HOMER1: variants seen among roughly 807,000 people sequenced by gnomAD.
HOMER1 encodes the protein homer protein homolog 1.
Under a neutral mutation model 48.9 loss-of-function variants are expected in HOMER1, and 3 were observed. That is an observed-to-expected ratio of 0.06 (90% CI 0.03 to 0.16). HOMER1 has a LOEUF of 0.16. Ranked by LOEUF, HOMER1 falls within the 10% of genes least tolerant of loss-of-function variation. The pLI, the probability that HOMER1 is intolerant of heterozygous loss-of-function variation, is 1.00. For missense variants in HOMER1, 247 were observed against 411.4 expected (o/e 0.60, Z 3.46); for synonymous variants, 134 against 146.4 (o/e 0.92, Z 0.61).
At chr5:79,388,917 C>A (rs924175539) in intron 8 of HOMER1, among the ~76,000 whole-genome samples, 1 of 151,890 alleles carries the variant, frequency 6.6e-6, no homozygotes, top group Non-Finnish European at 1.5e-5. Context: ...GTATTTAAAA[C>A]TTTTATGCAA....
At chr5:79,384,738 A>G (rs1335700257) in intron 8 of HOMER1, among the ~76,000 whole-genome samples, 1 of 152,210 alleles carries the variant, frequency 6.6e-6, no homozygotes, top group Non-Finnish European at 1.5e-5. Context: ...CACAGATGTA[A>G]AAATCCTCAA....
At chr5:79,391,919 G>A (rs1039701320) in intron 8 of HOMER1, among the ~76,000 whole-genome samples, 1 of 152,044 alleles carries the variant, frequency 6.6e-6, no homozygotes, top group African/African-American at 2.4e-5. Flanking sequence ...GATCAACCAT[G>A]AACAGCATAT....
intron 5 of HOMER1, among the ~76,000 whole-genome samples, chr5:79,403,460 T>C (rs947223326): frequency 6.6e-6 from 1 of 152,154 alleles, no homozygotes. Context: ...TGACACAAGA[T>C]TGTGTCTGTA....
chr5:79,396,775 T>C (rs1376553825), intron 8 of HOMER1, 48 bp downstream of exon 8: 1 of 1,104,716 alleles, frequency 9.1e-7, no homozygotes, highest in Non-Finnish European at 1.3e-6. Context: ...TGTGAAAAAA[T>C]GATGCCTTTC....
At chr5:79,472,338 T>G (rs775827613) in intron 1 of HOMER1, among the ~76,000 whole-genome samples, 22 of 152,176 alleles carry the variant, frequency 1.4e-4, no homozygotes, top group African/African-American at 1.9e-4. Flanking sequence ...ATCCAATGAA[T>G]TTGCTTGCTT....
intron 1 of HOMER1, among the ~76,000 whole-genome samples, chr5:79,486,657 C>T (rs1752110459): frequency 6.6e-6 from 1 of 152,116 alleles, no homozygotes; most frequent in African/African-American, 2.4e-5. Context: ...GATCACACCC[C>T]AACCCCAGTC....
Position 79,477,169 on chromosome 5 carries a change from T to A in HOMER1, c.6-20151A>T, listed in dbSNP as rs77328060. On this transcript the variant is annotated intron_variant, in intron 1 of 8. Coordinates refer to ENST00000334082, the MANE Select transcript of HOMER1 (RefSeq NM_004272.5). ...GCCAGGAACTGTGGACAAAAAACAA[T>A]AGATATATCATAGCATCATAGCAGT... is the stretch of plus-strand genomic sequence containing the variant. 4.6e-5 allele frequency among the ~76,000 whole-genome samples: 7 copies of A among 152,256 alleles called. No homozygotes were observed. In the East Asian group the frequency reaches 1.3e-3, roughly 29 times the overall value.
chr5:79,439,095 T>C lies in HOMER1; in HGVS notation c.442A>G (p.Thr148Ala). 6.2e-7 allele frequency: 1 copy of C among 1,613,866 alleles called. No homozygotes were observed. The highest frequency in any genetic ancestry group is 8.5e-7 in the Non-Finnish European group (1 of 1,179,792). The change falls in exon 5 of 9, where the codon ACA becomes GCA. Residue 148 changes from threonine (T) to alanine (A), a missense_variant. Around this residue, in one of 4 missense-constraint regions of HOMER1, gnomAD observed 94 missense variants for 112.4 expected, o/e 0.84. Coordinates refer to ENST00000334082, the MANE Select transcript of HOMER1 (RefSeq NM_004272.5). ...ACATCAGGTGTTCTTTCATCATCTG[T>C]CCCGTTGATACTTTCCGGTGTTAAA... ...SPLTPESING[T>A]DDERTPDVTQ...
At chr5:79,442,476 G>A (rs1209887832) in intron 4 of HOMER1, among the ~76,000 whole-genome samples, 1 of 152,188 alleles carries the variant, frequency 6.6e-6, no homozygotes, top group African/African-American at 2.4e-5. Flanking sequence ...CAAGCCTTTA[G>A]GGTGGTTTCA....
chr5:79,389,758 T>C (rs1405019956), intron 8 of HOMER1, among the ~76,000 whole-genome samples: 1 of 152,134 alleles, frequency 6.6e-6, no homozygotes. Flanking sequence ...TTACCCAGAT[T>C]GTAGTTTTCT....
At chr5:79,378,222 C>CAAAAAAAAAAAAAAAAAAAAA (rs58802660) in intron 8 of HOMER1, among the ~76,000 whole-genome samples, 9 of 85,576 alleles carry the variant, frequency 1.1e-4, no homozygotes, top group African/African-American at 3.5e-4. Flanking sequence ...GACTCTGTCT[C>CAAAAAAAAAAAAAAAAAAAAA]AAAAAAAAAA....
At chr5:79,501,726 C>G (rs973390099) in intron 1 of HOMER1, among the ~76,000 whole-genome samples, 1 of 152,096 alleles carries the variant, frequency 6.6e-6, no homozygotes, top group East Asian at 1.9e-4. Context: ...GGTAAGAGCC[C>G]CAAGGAGCTG....
intron 5 of HOMER1, among the ~76,000 whole-genome samples, chr5:79,403,650 G>A (rs1749587835): frequency 6.6e-6 from 1 of 152,096 alleles, no homozygotes. Context: ...GAACAGAAAG[G>A]GAACATTGGT....
intron 3 of HOMER1, among the ~76,000 whole-genome samples, chr5:79,450,228 T>G (rs1005332636): frequency 6.6e-6 from 1 of 152,214 alleles, no homozygotes; most frequent in African/African-American, 2.4e-5. Flanking sequence ...AATCTTTAGG[T>G]CTGGCAGGCA....
intron 5 of HOMER1, among the ~76,000 whole-genome samples, chr5:79,427,143 G>C (rs1750279794): frequency 6.6e-6 from 1 of 152,152 alleles, no homozygotes; most frequent in South Asian, 2.1e-4. Flanking sequence ...GTAGAACACT[G>C]TCTATGTAAA....
intron 1 of HOMER1, among the ~76,000 whole-genome samples, chr5:79,487,436 C>T (rs1047769136): frequency 1.3e-5 from 2 of 152,182 alleles, no homozygotes; most frequent in Non-Finnish European, 1.5e-5. Flanking sequence ...AAGCATACCA[C>T]ACCACCCATG....
At chr5:79,490,142 C>T (rs1188323084) in intron 1 of HOMER1, among the ~76,000 whole-genome samples, 4 of 152,142 alleles carry the variant, frequency 2.6e-5, no homozygotes, top group Non-Finnish European at 5.9e-5. Context: ...TAGAAGAGTG[C>T]CAGGCACACA....
At chr5:79,430,845 GAGA>G (rs1750402554) in intron 5 of HOMER1, among the ~76,000 whole-genome samples, 1 of 86,754 alleles carries the variant, frequency 1.2e-5, no homozygotes, top group African/African-American at 4.6e-5. Flanking sequence ...GCTGAGGCAG[GAGA>G]ATTGCTTGAA....
chr5:79,420,870 T>C (rs1358371969), intron 5 of HOMER1, among the ~76,000 whole-genome samples: 1 of 152,172 alleles, frequency 6.6e-6, no homozygotes, highest in Non-Finnish European at 1.5e-5. Flanking sequence ...TTGAACTAAG[T>C]AGTATTAAAA....
Sources: gnomAD v4.1 joint callset for allele counts (sites outside exome capture counted in the v4.1 genomes callset) on GRCh38, gnomAD v4.1.1 for gene constraint, gnomAD v4.1.1 regional missense constraint, MANE v1.5 for transcripts, NCBI Gene and HGNC (gene_info 2026-07-23, HGNC 2026-07-21) for gene names.